The following RP1 variants were observed in gnomAD, a reference collection of about 807,000 sequenced individuals.
The protein encoded by RP1 is RP1 axonemal microtubule associated, also known as oxygen-regulated protein 1.
Under a neutral mutation model 14.8 loss-of-function variants are expected in RP1, and 16 were observed. The observed-to-expected ratio is 1.08, with a 90% CI of 0.73 to 1.65. RP1 has a LOEUF of 1.65. Among genes scored for constraint, RP1 ranks in the 40% most tolerant of loss-of-function variants. The probability of loss-of-function intolerance (pLI) is 0.00; values close to 1 mark genes in which losing one functional copy is unlikely to be tolerated. For missense variants in RP1, 2,631 were observed against 2,535.0 expected, an observed-to-expected ratio of 1.04 and a Z score of -0.81; for synonymous variants, 876 against 883.6, an observed-to-expected ratio of 0.99 and a Z score of 0.15.
intron 23 of RP1, among the ~76,000 whole-genome samples, chr8:54,780,575 A>G (rs1375339055): frequency 6.6e-6 from 1 of 152,220 alleles, no homozygotes; most frequent in African/African-American, 2.4e-5. Flanking sequence ...TTAAAAAGGA[A>G]GGTAGTGTCT....
intron 28 of RP1, among the ~76,000 whole-genome samples, chr8:54,869,691 G>C (rs1007170948): frequency 1.2e-4 from 18 of 152,296 alleles, no homozygotes; most frequent in African/African-American, 4.3e-4. Context: ...AAATAATCTG[G>C]TGTGGCTTAA....
At chr8:54,747,083 C>T (rs944470426) in intron 19 of RP1, among the ~76,000 whole-genome samples, 2 of 152,138 alleles carry the variant, frequency 1.3e-5, no homozygotes, top group African/African-American at 4.8e-5. Flanking sequence ...TATTTTTCCT[C>T]CATCTTATTA....
chr8:54,681,036 T>A (rs1428548800), intron 12 of RP1, among the ~76,000 whole-genome samples: 2 of 152,074 alleles, frequency 1.3e-5, no homozygotes, highest in African/African-American at 4.8e-5. Flanking sequence ...CCAAAATTAT[T>A]CTTTAGACAT....
Position 54,721,985 on chromosome 8 carries a change from A to G in RP1, c.2389+1679A>G, listed in dbSNP as rs188041000. 3.2e-3 allele frequency among the ~76,000 whole-genome samples: 492 copies of G among 152,230 alleles called. 6 individuals are homozygous for G. The highest frequency in any genetic ancestry group is 0.021 in the Admixed American group (320 of 15,292). The stretch of plus-strand genomic sequence containing the variant: ...GGGCCGGGCACTGTGGCTCACGCTT[A>G]TAATCCCAGCACTTTGGGAGGCCAA... On this transcript the variant is annotated intron_variant, in intron 16 of 22. Transcript: ENST00000636932.
At chr8:54,589,086 T>C (rs1377303117) in intron 1 of RP1, among the ~76,000 whole-genome samples, 1 of 152,166 alleles carries the variant, frequency 6.6e-6, no homozygotes, top group Non-Finnish European at 1.5e-5. Flanking sequence ...TAGAGATAGA[T>C]GTCTAGGATC....
At chr8:54,860,173 G>C (rs1374483435) in intron 27 of RP1, among the ~76,000 whole-genome samples, 4 of 151,978 alleles carry the variant, frequency 2.6e-5, no homozygotes, top group Non-Finnish European at 5.9e-5. Context: ...AGAATGAAAG[G>C]GACATTGTGA....
chr8:54,825,949 T>A (rs1280650537), intron 24 of RP1, among the ~76,000 whole-genome samples: 1 of 151,750 alleles, frequency 6.6e-6, no homozygotes, highest in African/African-American at 2.4e-5. Flanking sequence ...GCACCTGTAG[T>A]CCTCGTTACT....
rs538610239 is a variant in RP1, at chr8:54,858,428, G to A, written c.4069+1322G>A. ...AATGCCACTGTAGAGTGATGTTACTGCAGAGTGATGCCACTGTGGAACATT... is the reference window on the plus strand; with the variant it reads ...AATGCCACTGTAGAGTGATGTTACTACAGAGTGATGCCACTGTGGAACATT... On this transcript the variant is annotated intron_variant, in intron 27 of 28. Coordinates refer to the RP1 transcript ENST00000637698. Among the ~76,000 whole-genome samples the A allele has an allele frequency of 7.2e-5, 11 of 152,202 alleles. No homozygotes were observed. In the East Asian group the frequency reaches 1.9e-3, roughly 27 times the overall value.
intron 7 of RP1, among the ~76,000 whole-genome samples, chr8:54,664,205 G>A (rs985130954): frequency 1.3e-5 from 2 of 152,108 alleles, no homozygotes; most frequent in Non-Finnish European, 2.9e-5. Flanking sequence ...CCATGTTATA[G>A]CATGTGACAG....
intron 3 of RP1, among the ~76,000 whole-genome samples, chr8:54,642,477 C>T (rs972082827): frequency 7.9e-5 from 12 of 152,190 alleles, no homozygotes; most frequent in African/African-American, 2.6e-4. Flanking sequence ...ATGTGCATAG[C>T]AGCATGTGTA....
At chr8:54,779,054 T>G (rs1381156075) in intron 23 of RP1, among the ~76,000 whole-genome samples, 2 of 152,176 alleles carry the variant, frequency 1.3e-5, no homozygotes, top group African/African-American at 4.8e-5. Context: ...CCAAGTCACC[T>G]GCAGTTCTCC....
At chr8:54,696,219 G>C (rs1807858189) in intron 12 of RP1, among the ~76,000 whole-genome samples, 1 of 152,056 alleles carries the variant, frequency 6.6e-6, no homozygotes, top group Admixed American at 6.6e-5. Flanking sequence ...ATAATTCCAT[G>C]CTAAAAATTG....
chr8:54,666,484 T>G (rs1807021242), intron 7 of RP1, among the ~76,000 whole-genome samples: 1 of 151,922 alleles, frequency 6.6e-6, no homozygotes. Context: ...GTTGTTTAGG[T>G]GGGAGCTATG....
chr8:54,704,368 C>T (rs2129344455), intron 14 of RP1, among the ~76,000 whole-genome samples: 1 of 152,236 alleles, frequency 6.6e-6, no homozygotes, highest in Admixed American at 6.5e-5. Context: ...TTAGTGGAGC[C>T]ATTCAGAACA....
Position 54,625,722 on chromosome 8 carries a change from C to T in RP1, c.1840C>T (p.His614Tyr). Residue 614 changes from histidine (H) to tyrosine (Y), a missense_variant, in exon 4 of 4, where the codon CAT becomes TAT. By Grantham distance (83) the His-to-Tyr change is moderately conservative. Coordinates refer to ENST00000220676, the MANE Select transcript of RP1 (RefSeq NM_006269.2). ...RFSPISADAT[H>Y]FSSNNSGTDK... ...CAGTCCTATTTCAGCAGATGCAACC[C>T]ATTTTTCAAGTAATAACTCTGGAAC... is the stretch of plus-strand genomic sequence containing the variant. The T allele has an allele frequency of 1.2e-6, 2 of 1,613,996 alleles. No homozygotes were observed. Among genetic ancestry groups the T allele is most frequent in the Admixed American group, 1.7e-5 (1 of 60,016 alleles).
chr8:54,616,547 T>C (rs1262581449), intron 1 of RP1, among the ~76,000 whole-genome samples: 1 of 152,232 alleles, frequency 6.6e-6, no homozygotes, highest in African/African-American at 2.4e-5. Flanking sequence ...AATTCAACAA[T>C]GCTGTGACTA....
chr8:54,722,538 A>G (rs1028277719), intron 16 of RP1, among the ~76,000 whole-genome samples: 2 of 152,114 alleles, frequency 1.3e-5, no homozygotes, highest in African/African-American at 2.4e-5. Context: ...CCAATAGAAT[A>G]TTTTCTAACT....
intron 1 of RP1, among the ~76,000 whole-genome samples, chr8:54,589,420 G>T (rs1804996988): frequency 6.6e-6 from 1 of 152,018 alleles, no homozygotes; most frequent in Non-Finnish European, 1.5e-5. Flanking sequence ...TGGTTTTTAA[G>T]AAATTCATGA....
chr8:54,737,072 A>G (rs1483208872), intron 18 of RP1, among the ~76,000 whole-genome samples: 2 of 152,174 alleles, frequency 1.3e-5, no homozygotes, highest in Non-Finnish European at 2.9e-5. Context: ...AAGTGAGCAT[A>G]TAGCCATTTT....
Sources: allele counts gnomAD v4.1 joint callset (sites outside exome capture counted in the v4.1 genomes callset), GRCh38; gene constraint gnomAD v4.1.1; transcripts MANE v1.5; gene names NCBI Gene and HGNC (gene_info 2026-07-23, HGNC 2026-07-21).